The following MCM9 variants were observed in gnomAD, a reference collection of about 807,000 sequenced individuals.
MCM9 encodes the protein minichromosome maintenance 9 homologous recombination repair factor, also known as DNA helicase MCM9.
MCM9 carries 55 observed loss-of-function variants against 72.8 expected under a neutral mutation model. The ratio of observed to expected loss-of-function variants is 0.76; its 90% CI spans 0.61 to 0.95. The LOEUF (loss-of-function observed/expected upper bound fraction) is 0.95, where lower values mean the gene tolerates loss of function less well. Among genes scored for constraint, MCM9 ranks in the 40% least tolerant of loss-of-function variants. The pLI is 0.00. For missense variants in MCM9, 1,279 were observed against 1,377.0 expected (o/e 0.93, Z 1.13); for synonymous variants, 480 against 503.4 (o/e 0.95, Z 0.62).
intron 7 of MCM9, chr6:118,912,295 CA>C (rs1780611447): frequency 6.6e-6 from 1 of 152,132 alleles, no homozygotes; most frequent in African/African-American, 2.4e-5. Flanking sequence ...AGGGATTTTA[CA>C]AGTACTTTAC....
At chr6:118,894,857 C>T (rs1034606497) in intron 8 of MCM9, among the ~76,000 whole-genome samples, 1 of 152,148 alleles carries the variant, frequency 6.6e-6, no homozygotes, top group Non-Finnish European at 1.5e-5. Context: ...TGGCTCCGCG[C>T]CGCCAACAGC....
Position 118,900,794 on chromosome 6 carries a change from C to G in MCM9, c.1150+10856G>C, listed in dbSNP as rs1287844990. 3.1e-6 allele frequency: 5 copies of G among 1,613,510 alleles called. No homozygotes were observed. In the Admixed American group the frequency reaches 8.3e-5, roughly 27 times the overall value. ...TGGAATGGAAAATTATCTATGTGGG[C>G]TCTGCAGAAAGTGAAGAATACGATC... On this transcript the variant is annotated intron_variant, in intron 8 of 13. Coordinates refer to ENST00000619706, the MANE Select transcript of MCM9 (RefSeq NM_017696.3).
chr6:118,840,162 T>G (rs1168843242), intron 9 of MCM9, among the ~76,000 whole-genome samples: 1 of 96,264 alleles, frequency 1.0e-5, no homozygotes, highest in Non-Finnish European at 2.2e-5. Flanking sequence ...TGGTAGATTT[T>G]TATGTTATTT....
rs558198063 is a variant in MCM9 at position 118,868,318 on chromosome 6, T to C, written c.1151-11773A>G. Among the ~76,000 whole-genome samples the C allele has an allele frequency of 3.2e-4, 48 of 152,258 alleles. 1 individual carries two copies. Among genetic ancestry groups the C allele is most frequent in the African/African-American group, 1.2e-3 (48 of 41,526 alleles). On this transcript the variant is annotated intron_variant, in intron 8 of 13. Coordinates refer to ENST00000619706, the MANE Select transcript of MCM9 (RefSeq NM_017696.3). ...AGGAGGAAAAATAAAAGTGTAGACT[T>C]TGTGTATGTGATAAAAATTAAGGTG...
At position 118,907,858 on chromosome 6, in the gene MCM9, A is replaced by G. The variant is rs1208292533; in HGVS notation, c.1150+3792T>C. ...TGAAACTAATCTGATTAAAGCATAT[A>G]TATTATTTTCTTCTCCTTTATATGT... On this transcript the variant is annotated intron_variant, in intron 8 of 13. Coordinates refer to ENST00000619706, the MANE Select transcript of MCM9 (RefSeq NM_017696.3). The G allele has an allele frequency of 1.6e-5, 6 of 368,784 alleles. No homozygotes were observed. The East Asian group carries it at 2.8e-4, about 17-fold the overall frequency. 22.8% of individuals were successfully genotyped at this position (368,784 alleles called of 1,614,324 possible).
At chr6:118,932,509 G>C in intron 2 of MCM9, 98 bp downstream of exon 2, 3 of 712,178 alleles carry the variant, frequency 4.2e-6, no homozygotes, top group Non-Finnish European at 3.4e-6. Flanking sequence ...TCTAGCTTTT[G>C]TTTATATGAA....
intron 1 of MCM9, among the ~76,000 whole-genome samples, chr6:118,933,610 T>A (rs1782634533): frequency 6.6e-6 from 1 of 152,224 alleles, no homozygotes; most frequent in South Asian, 2.1e-4. Context: ...CAACATTTAT[T>A]GTACTGGACT....
intron 8 of MCM9, among the ~76,000 whole-genome samples, chr6:118,896,007 G>A (rs1779378582): frequency 1.3e-5 from 2 of 149,662 alleles, no homozygotes; most frequent in South Asian, 4.2e-4. Context: ...ATCTCCTTTC[G>A]GTAATCACAA....
At chr6:118,873,091 G>A (rs1334124484) in intron 8 of MCM9, among the ~76,000 whole-genome samples, 1 of 151,140 alleles carries the variant, frequency 6.6e-6, no homozygotes, top group East Asian at 2.0e-4. Context: ...AGGACCACTT[G>A]GGCCTGAGAG....
chr6:118,913,283 A>G lies in MCM9; in HGVS notation c.1030+12T>C. 6.2e-7 allele frequency: 1 copy of G among 1,612,466 alleles called. No homozygotes were observed. The highest frequency in any genetic ancestry group is 8.5e-7 in the Non-Finnish European group (1 of 1,179,554). ...TGTCAATATTACTCAAAATTTCTAA[A>G]TAGGTACTAACCTCTGACCCGTGTT... On this transcript the variant is annotated intron_variant, in intron 7 of 13. Transcript: ENST00000619706.
rs745723640 is a variant in MCM9, at chr6:118,814,887, T to C, written c.3369A>G (p.Leu1123=). 25 of 1,545,952 alleles carry C rather than the reference T, an allele frequency of 1.6e-5. No homozygotes were observed. Among genetic ancestry groups the C allele is most frequent in the Non-Finnish European group, 1.9e-5 (22 of 1,145,280 alleles). The change falls in exon 14 of 14, where the codon TTA becomes TTG. Residue 1123 remains leucine, a synonymous_variant. Transcript: ENST00000619706. ...LIVSKESLFT[L]PELGDEAFDC... is the part of the protein sequence containing the mutation. ...CAAATGCTTCATCACCTAGTTCTGG[T>C]AAAGTGAAGAGGGATTCTTTGGAAA...
chr6:118,826,331 A>G, intron 12 of MCM9, 39 bp from the exon 13 acceptor site: 2 of 1,536,260 alleles, frequency 1.3e-6, no homozygotes, highest in South Asian at 2.4e-5. Context: ...TCACCAGGCC[A>G]GCCTGCATAG....
Position 118,815,310 on chromosome 6 carries a change from G to T in MCM9, c.2946C>A (p.Ile982=), listed in dbSNP as rs1470568151. Residue 982 remains isoleucine (I), a synonymous_variant, in exon 14 of 14, where the codon ATC becomes ATA. Transcript: ENST00000619706. ...GKLTSTPGNQ[I]SSQPQGETKE... ...TTGTCTCACCCTGTGGCTGACTGGA[G>T]ATCTGGTTTCCTGGGGTAGATGTTA... 1 of 1,550,488 alleles carries T rather than the reference G, an allele frequency of 6.4e-7. No homozygotes were observed. The highest frequency in any genetic ancestry group is 1.4e-5 in the African/African-American group (1 of 73,014).
rs142279795 is a variant in MCM9 at position 118,886,370 on chromosome 6, A to G, written c.1150+25280T>C. 4.9e-3 allele frequency among the ~76,000 whole-genome samples: 740 copies of G among 152,026 alleles called. 9 individuals carry two copies. The highest frequency in any genetic ancestry group is 0.017 in the African/African-American group (705 of 41,496). ...AAGAAAAAAGAGAGAGAGAGAGAGA[A>G]AGAAAAAGAAACAATAGGCATCCAG... On this transcript the variant is annotated intron_variant, in intron 8 of 13. Coordinates refer to ENST00000619706, the MANE Select transcript of MCM9 (RefSeq NM_017696.3).
At chr6:118,923,696 A>G (rs1781624995) in intron 4 of MCM9, 115 bp downstream of exon 4, 1 of 907,904 alleles carries the variant, frequency 1.1e-6, no homozygotes. Context: ...GATCTTCCAC[A>G]AAGTGACAAC....
Position 118,858,104 on chromosome 6 carries a change from G to A in MCM9, c.1151-1559C>T, listed in dbSNP as rs550273330. Among the ~76,000 whole-genome samples, 5 of 152,202 alleles carry A rather than the reference G, an allele frequency of 3.3e-5. No homozygotes were observed. In the East Asian group the frequency reaches 9.6e-4, roughly 29 times the overall value. ...AGACTAGTACCTCTAATATGGATGCGAAAATCCTCATAAATGCAAGTGAAT... is the reference window on the plus strand; with the variant it reads ...AGACTAGTACCTCTAATATGGATGCAAAAATCCTCATAAATGCAAGTGAAT... On this transcript the variant is annotated intron_variant, in intron 8 of 13. Transcript: ENST00000619706.
At chr6:118,862,700 A>G (rs1776980239) in intron 8 of MCM9, among the ~76,000 whole-genome samples, 1 of 152,150 alleles carries the variant, frequency 6.6e-6, no homozygotes, top group African/African-American at 2.4e-5. Flanking sequence ...AGCTTCGATT[A>G]CTTGCCTGCC....
intron 9 of MCM9, among the ~76,000 whole-genome samples, chr6:118,838,584 C>G (rs1453248930): frequency 1.3e-5 from 2 of 152,162 alleles, no homozygotes; most frequent in Non-Finnish European, 2.9e-5. Flanking sequence ...GCCACCACAC[C>G]TGGCTTTTTT....
At chr6:118,840,185 C>CCA (rs1278896676) in intron 9 of MCM9, among the ~76,000 whole-genome samples, 2 of 136,092 alleles carry the variant, frequency 1.5e-5, no homozygotes, top group Non-Finnish European at 3.2e-5. Context: ...TTTTTTTTCT[C>CCA]CACACACACA....
Sources: gnomAD v4.1 joint callset for allele counts (sites outside exome capture counted in the v4.1 genomes callset) on GRCh38, gnomAD v4.1.1 for gene constraint, MANE v1.5 for transcripts, NCBI Gene and HGNC (gene_info 2026-07-23, HGNC 2026-07-21) for gene names.